The following RBFOX2 variants were observed in gnomAD, a reference collection of about 807,000 sequenced individuals.
RBFOX2 encodes the protein RNA binding fox-1 homolog 2, also known as RNA binding protein fox-1 homolog 2.
RBFOX2 carries 10 observed loss-of-function variants against 49.1 expected under a neutral mutation model. That is an observed-to-expected ratio of 0.20 (90% CI 0.13 to 0.35). The LOEUF is 0.35. RBFOX2 is among the 10% of genes least tolerant of loss of function. RBFOX2 has a pLI of 1.00. For missense variants in RBFOX2, 323 were observed against 486.9 expected (o/e 0.66, Z 3.17); for synonymous variants, 183 against 187.4 (o/e 0.98, Z 0.19).
upstream of RBFOX2, among the ~76,000 whole-genome samples, chr22:35,942,236 CAT>C (rs2053767549): frequency 6.6e-6 from 1 of 152,070 alleles, no homozygotes; most frequent in South Asian, 2.1e-4. Context: ...CCATGTTTTA[CAT>C]ATGAGATTAG....
At chr22:35,935,790 TCTTA>T (rs2052990305) in intron 1 of RBFOX2, among the ~76,000 whole-genome samples, 2 of 152,176 alleles carry the variant, frequency 1.3e-5, no homozygotes, top group East Asian at 1.9e-4. Context: ...AAATTTCAGC[TCTTA>T]TTTAGCTACT....
intron 2 of RBFOX2, among the ~76,000 whole-genome samples, chr22:35,782,570 C>G (rs1234291301): frequency 6.6e-6 from 1 of 152,214 alleles, no homozygotes; most frequent in Non-Finnish European, 1.5e-5. Context: ...ATCCGCCCGC[C>G]TTGGCCTTCC....
chr22:36,028,364 C>A (rs1220150038), exon 1 of RBFOX2: 6 of 1,391,936 alleles, frequency 4.3e-6, no homozygotes, highest in South Asian at 1.6e-5. Flanking sequence ...CCGCTTCATG[C>A]CCCGGGCGGC....
At chr22:35,824,694 G>T (rs1955258724) in intron 1 of RBFOX2, among the ~76,000 whole-genome samples, 1 of 152,118 alleles carries the variant, frequency 6.6e-6, no homozygotes, top group Admixed American at 6.5e-5. Context: ...GCTAACAAAA[G>T]AACCAAAAAC....
intron 2 of RBFOX2, among the ~76,000 whole-genome samples, chr22:35,804,318 A>C (rs1174180986): frequency 6.6e-6 from 1 of 152,048 alleles, no homozygotes; most frequent in African/African-American, 2.4e-5. Context: ...GCCCAGGAAG[A>C]GAGAAGAAAG....
chr22:35,743,995 G>T, exon 12 of RBFOX2: 1 of 415,622 alleles, frequency 2.4e-6, no homozygotes, highest in East Asian at 3.7e-5. Flanking sequence ...TGGAACAAAA[G>T]AATTAAAGGC....
chr22:35,756,436 G>A (rs1602197120), intron 9 of RBFOX2, among the ~76,000 whole-genome samples: 1 of 152,104 alleles, frequency 6.6e-6, no homozygotes, highest in Admixed American at 6.6e-5. Context: ...TCCTAGAAGA[G>A]CCTATTATAT....
At chr22:35,783,190 G>A (rs982078612) in intron 2 of RBFOX2, among the ~76,000 whole-genome samples, 1 of 152,106 alleles carries the variant, frequency 6.6e-6, no homozygotes, top group Non-Finnish European at 1.5e-5. Flanking sequence ...CACAAGGAGG[G>A]AGGCAACTCA....
At chr22:35,900,258 C>T (rs959650868) in intron 1 of RBFOX2, among the ~76,000 whole-genome samples, 21 of 152,090 alleles carry the variant, frequency 1.4e-4, no homozygotes, top group African/African-American at 4.1e-4. Context: ...GGATTACAGG[C>T]GCCTGCCACC....
exon 7 of RBFOX2, chr22:35,761,421 A>G: frequency 6.2e-7 from 1 of 1,614,196 alleles, no homozygotes; most frequent in Non-Finnish European, 8.5e-7. Flanking sequence ...CTACCTGCAT[A>G]TAACTCCGGA....
At chr22:35,963,127 T>A (rs564955054), upstream of RBFOX2, among the ~76,000 whole-genome samples, 1 of 136,402 alleles carries the variant, frequency 7.3e-6, no homozygotes, top group East Asian at 2.4e-4. Flanking sequence ...AACAGTCATC[T>A]ACCCCACAGA....
chr22:35,976,104 G>A lies in RBFOX2; in HGVS notation c.187-37207C>T, dbSNP rs930799525. Among the ~76,000 whole-genome samples, 4 of 151,798 alleles carry A rather than the reference G, an allele frequency of 2.6e-5. No homozygotes were observed. In the South Asian group the frequency reaches 6.2e-4, roughly 24 times the overall value. On this transcript the variant is annotated intron_variant, in intron 1 of 13. Coordinates refer to the RBFOX2 transcript ENST00000438146. Reference sequence around the variant, plus strand: ...TGACGCATATAATCTTCAATAAATCGCATCCCCTCTCTTAAGGCTATCTCC... The same window carrying A: ...TGACGCATATAATCTTCAATAAATCACATCCCCTCTCTTAAGGCTATCTCC...
At chr22:36,009,469 G>A (rs778308440) in intron 1 of RBFOX2, among the ~76,000 whole-genome samples, 1 of 152,106 alleles carries the variant, frequency 6.6e-6, no homozygotes, top group African/African-American at 2.4e-5. Context: ...TGCCTCCTGG[G>A]CTCAAGAGGT....
rs565905356 is a variant in RBFOX2, at chr22:36,028,271, T to G, written c.155A>C (p.Glu52Ala). The G allele has an allele frequency of 4.6e-5, 71 of 1,532,980 alleles. 1 individual carries two copies. In the Middle Eastern group the frequency reaches 6.8e-4, roughly 15 times the overall value. 95.0% of individuals were successfully genotyped at this position (1,532,980 alleles called of 1,614,324 possible). A position where few individuals can be genotyped will look rare whatever the true frequency, so the allele number is the denominator to read the frequency against. The change falls in exon 1 of 14, where the codon GAG (glutamate) becomes GCG (alanine). Residue 52 changes from glutamate to alanine, a missense_variant. Transcript: ENST00000438146. Reference sequence around the variant, plus strand: ...CCCGCCGCCACCGTCGGCCGCCGCCTCCTCAGTGCGCGGCCGCTTGCTCAG... The same window carrying G: ...CCCGCCGCCACCGTCGGCCGCCGCCGCCTCAGTGCGCGGCCGCTTGCTCAG...
At chr22:35,878,039 TACACAC>T (rs58181557) in intron 1 of RBFOX2, among the ~76,000 whole-genome samples, 2,345 of 141,222 alleles carry the variant, frequency 0.017, 52 homozygotes, top group African/African-American at 0.05. Context: ...CTACTACTAC[TACACAC>T]ACACACACAC....
At chr22:35,925,146 C>T (rs1395581256) in intron 1 of RBFOX2, among the ~76,000 whole-genome samples, 1 of 151,842 alleles carries the variant, frequency 6.6e-6, no homozygotes, top group African/African-American at 2.4e-5. Flanking sequence ...GAGCCGAGAT[C>T]CAGCCGCTAC....
upstream of RBFOX2, among the ~76,000 whole-genome samples, chr22:35,939,381 T>A (rs893186527): frequency 6.6e-6 from 1 of 152,192 alleles, no homozygotes; most frequent in African/African-American, 2.4e-5. Flanking sequence ...CAGAAAAGTT[T>A]TAGGTCTTCG....
intron 1 of RBFOX2, chr22:35,992,645 C>T (rs2058031284): frequency 6.6e-6 from 1 of 152,150 alleles, no homozygotes; most frequent in Non-Finnish European, 1.5e-5. Context: ...TAAAAAAGCT[C>T]CATTTTGACC....
intron 9 of RBFOX2, chr22:35,750,559 G>C: frequency 1.3e-6 from 1 of 773,030 alleles, no homozygotes; most frequent in Admixed American, 2.2e-5. Flanking sequence ...AACTCTGATA[G>C]CTGGATAAAT....
Sources: allele counts gnomAD v4.1 joint callset (sites outside exome capture counted in the v4.1 genomes callset), GRCh38; gene constraint gnomAD v4.1.1; transcripts MANE v1.5; gene names NCBI Gene and HGNC (gene_info 2026-07-23, HGNC 2026-07-21).